LHFPL2: variants seen among roughly 807,000 people sequenced by gnomAD.
LHFPL2 encodes LHFPL tetraspan subfamily member 2.
In LHFPL2, 7 loss-of-function variants were observed where a neutral mutation model predicts 17.5. The ratio of observed to expected loss-of-function variants is 0.40; its 90% confidence interval spans 0.23 to 0.75. The LOEUF (loss-of-function observed/expected upper bound fraction) is 0.75, where lower values mean the gene tolerates loss of function less well. Ranked by LOEUF, LHFPL2 falls within the 30% of genes least tolerant of loss-of-function variation. The probability of loss-of-function intolerance (pLI) is 0.37; values close to 1 mark genes in which losing one functional copy is unlikely to be tolerated. For synonymous variants in LHFPL2, 134 were observed against 116.2 expected (o/e 1.15, Z -0.99); for missense variants, 241 against 294.8 (o/e 0.82, Z 1.34).
intron 3 of LHFPL2, among the ~76,000 whole-genome samples, chr5:78,525,500 G>A (rs982408779): frequency 1.3e-5 from 2 of 152,148 alleles, no homozygotes; most frequent in Non-Finnish European, 2.9e-5. Context: ...TAATAAGAAC[G>A]AATGCCCACA....
At chr5:78,496,941 C>A (rs1204927310) in intron 4 of LHFPL2, among the ~76,000 whole-genome samples, 2 of 152,174 alleles carry the variant, frequency 1.3e-5, no homozygotes, top group East Asian at 3.9e-4. Flanking sequence ...AAGTACTACC[C>A]CAAGCTGAGT....
chr5:78,582,565 G>A (rs575053030), intron 2 of LHFPL2, among the ~76,000 whole-genome samples: 4 of 151,640 alleles, frequency 2.6e-5, no homozygotes, highest in Admixed American at 6.6e-5. Context: ...TTCAGGAGCA[G>A]GTTGTTCAGT....
chr5:78,596,065 A>G (rs555324597), intron 2 of LHFPL2, among the ~76,000 whole-genome samples: 1 of 152,340 alleles, frequency 6.6e-6, no homozygotes, highest in African/African-American at 2.4e-5. Context: ...CATCAGTTAA[A>G]AAAAGCAGCC....
At chr5:78,562,634 C>CAAAAAAA (rs35163869) in intron 3 of LHFPL2, among the ~76,000 whole-genome samples, 1 of 113,130 alleles carries the variant, frequency 8.8e-6, no homozygotes. Context: ...GATTCCACCT[C>CAAAAAAA]AAAAAAAAAA....
chr5:78,485,387 A>C lies in LHFPL2; in HGVS notation c.*3510T>G, dbSNP rs1270811035. ...GCTCAAATTGAGTCCATCAGCTGTA[A>C]ATACAATTTTATATTTGGCTCAAGT... On this transcript the variant is annotated 3_prime_UTR_variant, in exon 5 of 5. Transcript: ENST00000380345. 4.6e-5 allele frequency: 7 copies of C among 152,646 alleles called. No homozygotes were observed. Among genetic ancestry groups the C allele is most frequent in the Non-Finnish European group, 1.0e-4 (7 of 68,036 alleles). 9.5% of individuals were successfully genotyped at this position (152,646 alleles called of 1,614,324 possible).
intron 2 of LHFPL2, among the ~76,000 whole-genome samples, chr5:78,617,186 G>A (rs562357136): frequency 4.8e-4 from 73 of 152,070 alleles, no homozygotes; most frequent in African/African-American, 1.5e-3. Flanking sequence ...GTGTCACCAC[G>A]CCCAGATAAT....
At chr5:78,613,726 C>T (rs1744498007) in intron 2 of LHFPL2, among the ~76,000 whole-genome samples, 1 of 152,144 alleles carries the variant, frequency 6.6e-6, no homozygotes, top group South Asian at 2.1e-4. Context: ...AAAAGAAAAG[C>T]CAGCCAGGAT....
intron 3 of LHFPL2, among the ~76,000 whole-genome samples, chr5:78,519,253 G>T (rs537241314): frequency 6.6e-6 from 1 of 152,266 alleles, no homozygotes; most frequent in South Asian, 2.1e-4. Flanking sequence ...CATGTCCCTG[G>T]GGTGCTGACA....
chr5:78,636,690 G>C lies in LHFPL2; in HGVS notation c.-349-4322C>G, dbSNP rs75554175. On this transcript the variant is annotated intron_variant, in intron 1 of 4. Coordinates refer to ENST00000380345, the MANE Select transcript of LHFPL2 (RefSeq NM_005779.3). ...AGGAAAGAGTGGGAAAATCACTATCGAGACATTCTTAAAGACTTCTCTACA... is the reference window on the plus strand; with the variant it reads ...AGGAAAGAGTGGGAAAATCACTATCCAGACATTCTTAAAGACTTCTCTACA... 5.1e-3 allele frequency among the ~76,000 whole-genome samples: 780 copies of C among 152,192 alleles called. 3 individuals carry two copies. Among genetic ancestry groups the C allele is most frequent in the African/African-American group, 0.018 (735 of 41,496 alleles).
At chr5:78,494,487 G>A (rs7718448) in intron 4 of LHFPL2, 40,034 of 985,172 alleles carry the variant, frequency 0.041, 1,199 homozygotes, top group East Asian at 0.27. Flanking sequence ...GTTAGAAGAC[G>A]TTAGCATCTG....
chr5:78,591,942 A>G (rs530488510), intron 2 of LHFPL2, among the ~76,000 whole-genome samples: 57 of 152,354 alleles, frequency 3.7e-4, no homozygotes, highest in South Asian at 2.9e-3. Context: ...CATGTGGTTG[A>G]CAGGTCTGAG....
chr5:78,585,013 T>G lies in LHFPL2; in HGVS notation c.-244-20142A>C, dbSNP rs1743326063. On this transcript the variant is annotated intron_variant, in intron 2 of 4. Transcript: ENST00000380345. ...GCGCTGTGTTTTTTTTTTTTTTTTT[T>G]TTTTTTTTTTTGAGACGGAGTCTCG... Among the ~76,000 whole-genome samples, 6 of 56,102 alleles carry G rather than the reference T, an allele frequency of 1.1e-4. 1 individual carries two copies. Among genetic ancestry groups the G allele is most frequent in the East Asian group, 1.0e-3 (3 of 2,876 alleles). The allele number at this position is 56,102 out of a possible 152,430, so 36.8% of individuals were successfully genotyped here.
intron 3 of LHFPL2, among the ~76,000 whole-genome samples, chr5:78,539,828 T>C (rs1421603183): frequency 6.6e-6 from 1 of 152,068 alleles, no homozygotes; most frequent in Non-Finnish European, 1.5e-5. Flanking sequence ...TTTTTTTTTT[T>C]TTTTTTAAGT....
chr5:78,621,247 GT>G (rs1226891700), intron 2 of LHFPL2, among the ~76,000 whole-genome samples: 2 of 152,180 alleles, frequency 1.3e-5, no homozygotes, highest in South Asian at 4.1e-4. Flanking sequence ...GAGCTGAAAT[GT>G]TTATGCATGG....
intron 3 of LHFPL2, among the ~76,000 whole-genome samples, chr5:78,533,024 T>G (rs1755832456): frequency 1.3e-5 from 2 of 152,156 alleles, no homozygotes; most frequent in East Asian, 3.8e-4. Flanking sequence ...CCATCTCTTG[T>G]CCTCTCTCCT....
intron 2 of LHFPL2, among the ~76,000 whole-genome samples, chr5:78,576,100 C>A (rs976361392): frequency 1.3e-5 from 2 of 152,120 alleles, no homozygotes; most frequent in Non-Finnish European, 2.9e-5. Flanking sequence ...TCGAGACCAT[C>A]CTGGCTAACA....
chr5:78,589,714 G>C (rs1743558493), intron 2 of LHFPL2, among the ~76,000 whole-genome samples: 1 of 152,178 alleles, frequency 6.6e-6, no homozygotes, highest in Non-Finnish European at 1.5e-5. Flanking sequence ...ATACGTGCTG[G>C]TTCATGTCTG....
chr5:78,517,779 T>G (rs1053900981), intron 3 of LHFPL2, among the ~76,000 whole-genome samples: 1 of 152,184 alleles, frequency 6.6e-6, no homozygotes, highest in African/African-American at 2.4e-5. Context: ...GAGATTTGGG[T>G]GGGGACACAG....
intron 2 of LHFPL2, among the ~76,000 whole-genome samples, chr5:78,575,520 G>A (rs2112432704): frequency 6.6e-6 from 1 of 152,294 alleles, no homozygotes; most frequent in South Asian, 2.1e-4. Context: ...CTGCACTCCA[G>A]CCTGGTGACA....
Sources: gnomAD v4.1 joint callset for allele counts (sites outside exome capture counted in the v4.1 genomes callset) on GRCh38, gnomAD v4.1.1 for gene constraint, MANE v1.5 for transcripts, NCBI Gene and HGNC (gene_info 2026-07-23, HGNC 2026-07-21) for gene names.